Variants in LSAMP observed in about 807,000 individuals in gnomAD.
The protein encoded by LSAMP is limbic system associated membrane protein.
Under a neutral mutation model 38.6 loss-of-function variants are expected in LSAMP, and 7 were observed. The ratio of observed to expected loss-of-function variants is 0.18; its 90% CI spans 0.10 to 0.34. LSAMP has a LOEUF of 0.34. Among genes scored for constraint, LSAMP ranks in the 10% least tolerant of loss-of-function variants. The probability of loss-of-function intolerance (pLI) is 1.00; values close to 1 mark genes in which losing one functional copy is unlikely to be tolerated. For synonymous variants in LSAMP, 154 were observed against 166.8 expected (o/e 0.92, Z 0.59); for missense variants, 313 against 420.0 (o/e 0.75, Z 2.23).
intron 2 of LSAMP, among the ~76,000 whole-genome samples, chr3:116,074,742 T>G (rs997415945): frequency 6.6e-6 from 1 of 152,202 alleles, no homozygotes; most frequent in Admixed American, 6.5e-5. Flanking sequence ...TCCTTGATTA[T>G]TAGTGAGGTT....
At chr3:115,956,429 A>G (rs1299513439) in intron 3 of LSAMP, among the ~76,000 whole-genome samples, 3 of 151,980 alleles carry the variant, frequency 2.0e-5, no homozygotes, top group Non-Finnish European at 4.4e-5. Context: ...CTGACATGGC[A>G]GATTGACACA....
chr3:116,285,372 T>C (rs573857510), intron 1 of LSAMP, among the ~76,000 whole-genome samples: 3 of 152,110 alleles, frequency 2.0e-5, no homozygotes, highest in South Asian at 2.1e-4. Context: ...CTTATAGATA[T>C]ATGGGTGAGT....
At chr3:116,135,791 C>T (rs566228457) in intron 1 of LSAMP, among the ~76,000 whole-genome samples, 8 of 152,164 alleles carry the variant, frequency 5.3e-5, no homozygotes, top group Non-Finnish European at 7.3e-5. Context: ...GTTTCGATTA[C>T]GAAGTTTCAA....
At chr3:116,224,606 C>T (rs982255867) in intron 1 of LSAMP, among the ~76,000 whole-genome samples, 2 of 152,160 alleles carry the variant, frequency 1.3e-5, no homozygotes, top group African/African-American at 2.4e-5. Context: ...CATAATTTAT[C>T]GTTTTGGTCT....
intron 6 of LSAMP, among the ~76,000 whole-genome samples, chr3:115,825,323 G>C (rs1559837703): frequency 6.6e-6 from 1 of 152,110 alleles, no homozygotes; most frequent in African/African-American, 2.4e-5. Flanking sequence ...ATTATTCTTT[G>C]GAGTTCCAGA....
chr3:115,874,076 T>A (rs1329530042), intron 3 of LSAMP, among the ~76,000 whole-genome samples: 1 of 152,190 alleles, frequency 6.6e-6, no homozygotes. Context: ...TAGTTTTTAT[T>A]ATATATTTAC....
intron 1 of LSAMP, among the ~76,000 whole-genome samples, chr3:116,337,619 T>A (rs958213914): frequency 3.9e-5 from 6 of 152,050 alleles, no homozygotes; most frequent in Non-Finnish European, 7.4e-5. Context: ...TCTTACTACC[T>A]ATAAAAGTCA....
intron 3 of LSAMP, among the ~76,000 whole-genome samples, chr3:115,889,890 T>C (rs1465850508): frequency 6.6e-6 from 1 of 151,976 alleles, no homozygotes; most frequent in African/African-American, 2.4e-5. Context: ...GAGCATCTTA[T>C]ATTGCATTTA....
chr3:115,853,114 C>T (rs913645424), intron 3 of LSAMP, among the ~76,000 whole-genome samples: 7 of 152,260 alleles, frequency 4.6e-5, no homozygotes, highest in Admixed American at 3.9e-4. Context: ...TCATCTATTA[C>T]ACCATGCTGC....
chr3:116,215,126 C>T (rs1044901569), intron 1 of LSAMP, among the ~76,000 whole-genome samples: 1 of 152,130 alleles, frequency 6.6e-6, no homozygotes, highest in Non-Finnish European at 1.5e-5. Context: ...TCCTTATTCT[C>T]AAAATGCTTA....
At chr3:116,051,163 A>G (rs1941389116) in intron 2 of LSAMP, 1 of 152,280 alleles carries the variant, frequency 6.6e-6, no homozygotes, top group Non-Finnish European at 1.5e-5. Context: ...TACCTGGCAC[A>G]GCTAAAAGTT....
intron 1 of LSAMP, among the ~76,000 whole-genome samples, chr3:116,122,812 T>G (rs1215564991): frequency 6.6e-6 from 1 of 152,180 alleles, no homozygotes; most frequent in East Asian, 1.9e-4. Flanking sequence ...CCATCTTCAC[T>G]TTCACTCACA....
chr3:115,842,211 T>C (rs148097609), intron 5 of LSAMP, among the ~76,000 whole-genome samples: 43 of 152,364 alleles, frequency 2.8e-4, no homozygotes, highest in African/African-American at 9.9e-4. Flanking sequence ...GTTTCTGTTA[T>C]AGGCAAGAAA....
chr3:115,831,173 A>C (rs116339798), intron 6 of LSAMP, among the ~76,000 whole-genome samples: 9 of 152,268 alleles, frequency 5.9e-5, no homozygotes, highest in South Asian at 4.1e-4. Flanking sequence ...CCATGCCTGA[A>C]CCTGAAAGAT....
intron 3 of LSAMP, among the ~76,000 whole-genome samples, chr3:115,857,118 A>G (rs1935531112): frequency 6.6e-6 from 1 of 152,204 alleles, no homozygotes; most frequent in African/African-American, 2.4e-5. Flanking sequence ...ATTATCTGCC[A>G]TGTGGAGTTA....
intron 3 of LSAMP, among the ~76,000 whole-genome samples, chr3:115,941,598 A>G (rs1429985526): frequency 1.3e-5 from 2 of 152,038 alleles, no homozygotes; most frequent in Non-Finnish European, 2.9e-5. Flanking sequence ...CACACACACA[A>G]TAGAATATTA....
At chr3:115,897,360 A>AT (rs558698365) in intron 3 of LSAMP, among the ~76,000 whole-genome samples, 294 of 152,070 alleles carry the variant, frequency 1.9e-3, no homozygotes, top group African/African-American at 6.5e-3. Context: ...TGATTACATG[A>AT]TTTTTTTTAA....
intron 1 of LSAMP, among the ~76,000 whole-genome samples, chr3:116,101,396 C>T (rs944235360): frequency 1.3e-5 from 2 of 152,074 alleles, no homozygotes; most frequent in South Asian, 2.1e-4. Flanking sequence ...ATATGTGAAA[C>T]TAAATTTTTT....
In LSAMP at chr3:116,405,594, G is replaced by A. The variant is rs1287091160; in HGVS notation, c.155+39283C>T. On this transcript the variant is annotated intron_variant, in intron 1 of 6. Transcript: ENST00000490035. ...AAGAAAAAAACATGTAAAACTCCAA[G>A]CAGATGAGCAGTGTTGTGATCAACA... Among the ~76,000 whole-genome samples the A allele has an allele frequency of 2.0e-5, 3 of 151,956 alleles. No individual in the cohort carries two copies. In the East Asian group the frequency reaches 5.8e-4, roughly 29 times the overall value.
Sources: gnomAD v4.1 joint callset for allele counts (sites outside exome capture counted in the v4.1 genomes callset) on GRCh38, gnomAD v4.1.1 for gene constraint, MANE v1.5 for transcripts, NCBI Gene and HGNC (gene_info 2026-07-23, HGNC 2026-07-21) for gene names.